Variants in TVP23C observed in about 807,000 individuals in gnomAD.
The protein encoded by TVP23C is trans-golgi network vesicle protein 23 homolog C.
In TVP23C, 19 loss-of-function variants were observed where a neutral mutation model predicts 28.7. The observed-to-expected ratio is 0.66, with a 90% confidence interval of 0.46 to 0.97. The LOEUF (loss-of-function observed/expected upper bound fraction) is 0.97, where lower values mean the gene tolerates loss of function less well. Ranked by LOEUF, TVP23C falls within the 50% of genes least tolerant of loss-of-function variation. The pLI is 0.00. For missense variants in TVP23C, 186 were observed against 241.3 expected, an observed-to-expected ratio of 0.77 and a Z score of 1.52; for synonymous variants, 68 against 81.7, an observed-to-expected ratio of 0.83 and a Z score of 0.90.
At chr17:15,521,265 G>C (rs1982463796) in intron 5 of TVP23C, among the ~76,000 whole-genome samples, 1 of 152,124 alleles carries the variant, frequency 6.6e-6, no homozygotes, top group African/African-American at 2.4e-5. Flanking sequence ...AGCAGTTTGG[G>C]AGGTTGAGGC....
intron 5 of TVP23C, among the ~76,000 whole-genome samples, chr17:15,525,670 G>GTGTGTGTGTGCA (rs1401788264): frequency 6.6e-6 from 1 of 152,152 alleles, no homozygotes. Flanking sequence ...CTCTCCGTGT[G>GTGTGTGTGTGCA]TGTGTGTGTG....
rs1422798768 is a variant in TVP23C at position 15,551,916 on chromosome 17, A to T, written c.240+1769T>A. ...CCCAAGTCCACTTAATAATTTCCCT[A>T]TTCTTGACTTCTTAATTTTGCTTCA... On this transcript the variant is annotated intron_variant, in intron 3 of 5. Transcript: ENST00000518321. Among the ~76,000 whole-genome samples, 3 of 152,154 alleles carry T rather than the reference A, an allele frequency of 2.0e-5. No individual in the cohort carries two copies. In the East Asian group the frequency reaches 5.8e-4, roughly 29 times the overall value.
intron 5 of TVP23C, among the ~76,000 whole-genome samples, chr17:15,521,479 G>A (rs1411725326): frequency 6.6e-6 from 1 of 152,058 alleles, no homozygotes; most frequent in East Asian, 1.9e-4. Context: ...ACTCCAGCCT[G>A]GGCAACAGAG....
At chr17:15,512,928 A>G (rs1326852119) in intron 5 of TVP23C, among the ~76,000 whole-genome samples, 1 of 152,176 alleles carries the variant, frequency 6.6e-6, no homozygotes, top group Non-Finnish European at 1.5e-5. Context: ...CATATGGGCT[A>G]TGTAGGACCT....
At chr17:15,511,515 A>T (rs1354485274) in intron 5 of TVP23C, among the ~76,000 whole-genome samples, 1 of 152,238 alleles carries the variant, frequency 6.6e-6, no homozygotes, top group African/African-American at 2.4e-5. Flanking sequence ...AATCATTAAG[A>T]AATTTAAAGT....
chr17:15,512,515 G>A (rs971198275), intron 5 of TVP23C, among the ~76,000 whole-genome samples: 8 of 152,086 alleles, frequency 5.3e-5, no homozygotes, highest in Non-Finnish European at 8.8e-5. Context: ...TGCAATGTTC[G>A]AAGGTTCATA....
intron 5 of TVP23C, among the ~76,000 whole-genome samples, chr17:15,522,098 G>A (rs1427454389): frequency 1.3e-5 from 2 of 152,170 alleles, no homozygotes; most frequent in African/African-American, 4.8e-5. Flanking sequence ...GCACAGGCAG[G>A]AAGGAAAGAA....
intron 5 of TVP23C, chr17:15,507,004 G>T: frequency 7.7e-7 from 1 of 1,301,292 alleles, no homozygotes; most frequent in Non-Finnish European, 1.1e-6. Flanking sequence ...GAAAGGATTT[G>T]GTTATAAGGG....
chr17:15,524,852 G>A (rs1982655039), intron 5 of TVP23C, among the ~76,000 whole-genome samples: 1 of 152,196 alleles, frequency 6.6e-6, no homozygotes, highest in South Asian at 2.1e-4. Context: ...GGAAACAGAT[G>A]CCAGCTGAAA....
At chr17:15,547,288 T>C (rs921746248) in intron 3 of TVP23C, 140 bp from the exon 4 acceptor site, 7 of 1,461,748 alleles carry the variant, frequency 4.8e-6, no homozygotes, top group African/African-American at 1.4e-5. Context: ...AAGACTACTA[T>C]GTATCAGGCC....
chr17:15,527,946 G>A (rs1310279094), intron 5 of TVP23C, among the ~76,000 whole-genome samples: 7 of 152,174 alleles, frequency 4.6e-5, no homozygotes, highest in African/African-American at 4.8e-5. Flanking sequence ...ATAACCAATC[G>A]CTTTACAAAA....
exon 6 of TVP23C, chr17:15,503,027 G>C: frequency 1.2e-6 from 2 of 1,614,118 alleles, no homozygotes; most frequent in Non-Finnish European, 8.5e-7. Flanking sequence ...AAGAGGTGGA[G>C]AACTAAGGCG....
chr17:15,547,565 G>A (rs978454372), intron 3 of TVP23C, among the ~76,000 whole-genome samples: 3 of 152,212 alleles, frequency 2.0e-5, no homozygotes, highest in Non-Finnish European at 4.4e-5. Flanking sequence ...TCTCTCAAGT[G>A]TACCAAGCTC....
Position 15,525,712 on chromosome 17 carries a change from G to A in TVP23C, c.462+20073C>T, listed in dbSNP as rs138445289. ...TGTGTGCATGCACGCGTGTGCATGC[G>A]CCCACGTTCATCTCTGGCACGAGAC... On this transcript the variant is annotated intron_variant, in intron 5 of 5. Coordinates refer to the TVP23C transcript ENST00000225576. Among the ~76,000 whole-genome samples the A allele has an allele frequency of 3.8e-3, 577 of 152,266 alleles. 6 individuals are homozygous for A. Among genetic ancestry groups the A allele is most frequent in the Admixed American group, 0.016 (239 of 15,296 alleles).
intron 5 of TVP23C, among the ~76,000 whole-genome samples, chr17:15,508,889 T>C (rs906769297): frequency 6.6e-6 from 1 of 152,192 alleles, no homozygotes; most frequent in Non-Finnish European, 1.5e-5. Flanking sequence ...CCTGGTAAAC[T>C]AGGGGCACTT....
At chr17:15,504,247 T>A (rs1243390714) in intron 5 of TVP23C, among the ~76,000 whole-genome samples, 1 of 152,142 alleles carries the variant, frequency 6.6e-6, no homozygotes, top group Non-Finnish European at 1.5e-5. Context: ...AACAAGACTA[T>A]GATGTGTGGG....
chr17:15,556,208 C>T (rs1397662134), intron 1 of TVP23C, among the ~76,000 whole-genome samples: 2 of 152,120 alleles, frequency 1.3e-5, no homozygotes, highest in Non-Finnish European at 2.9e-5. Context: ...TGAGCCACCA[C>T]GCCTGGCCTC....
chr17:15,508,711 G>A (rs1981877027), intron 5 of TVP23C, among the ~76,000 whole-genome samples: 1 of 152,176 alleles, frequency 6.6e-6, no homozygotes, highest in Non-Finnish European at 1.5e-5. Flanking sequence ...GCTTACAAAC[G>A]AGCATGGGCC....
At chr17:15,512,039 A>C (rs1982026122) in intron 5 of TVP23C, among the ~76,000 whole-genome samples, 1 of 152,198 alleles carries the variant, frequency 6.6e-6, no homozygotes, top group African/African-American at 2.4e-5. Flanking sequence ...ACAGTTGCTG[A>C]TTCAGTAGAT....
Sources: allele counts gnomAD v4.1 joint callset (sites outside exome capture counted in the v4.1 genomes callset), GRCh38; gene constraint gnomAD v4.1.1; transcripts MANE v1.5; gene names NCBI Gene and HGNC (gene_info 2026-07-23, HGNC 2026-07-21).